Variants in MIPEP observed in about 807,000 individuals in gnomAD.
MIPEP encodes mitochondrial intermediate peptidase.
A neutral mutation model predicts 90.3 loss-of-function variants in MIPEP; 79 were observed. The ratio of observed to expected loss-of-function variants is 0.87; its 90% CI spans 0.73 to 1.05. MIPEP has a LOEUF of 1.05. MIPEP is among the 50% of genes least tolerant of loss of function. MIPEP has a pLI of 0.00. For missense variants in MIPEP, 940 were observed against 905.6 expected, an observed-to-expected ratio of 1.04 and a Z score of -0.49; for synonymous variants, 334 against 315.8, an observed-to-expected ratio of 1.06 and a Z score of -0.61.
intron 14 of MIPEP, among the ~76,000 whole-genome samples, chr13:23,835,953 T>C (rs1869020162): frequency 6.6e-6 from 1 of 152,088 alleles, no homozygotes; most frequent in Admixed American, 6.5e-5. Context: ...ATCTGGAAAA[T>C]GGGGATAAAG....
At chr13:23,846,013 C>G (rs951768299) in intron 10 of MIPEP, among the ~76,000 whole-genome samples, 4 of 151,826 alleles carry the variant, frequency 2.6e-5, no homozygotes, top group Admixed American at 2.0e-4. Context: ...CTGCTGGGTT[C>G]AAGCGATTCT....
chr13:23,838,226 CT>C (rs1869142389), intron 12 of MIPEP, among the ~76,000 whole-genome samples: 1 of 152,108 alleles, frequency 6.6e-6, no homozygotes, highest in South Asian at 2.1e-4. Flanking sequence ...TCACTGCAGC[CT>C]GGACCTCCTG....
At chr13:23,871,596 C>A (rs1017641775) in intron 5 of MIPEP, among the ~76,000 whole-genome samples, 6 of 152,094 alleles carry the variant, frequency 3.9e-5, no homozygotes, top group African/African-American at 1.2e-4. Flanking sequence ...CTGTTCTATG[C>A]TCCTAAAAAA....
chr13:23,792,835 C>T (rs961195480), intron 16 of MIPEP, among the ~76,000 whole-genome samples: 5 of 152,158 alleles, frequency 3.3e-5, no homozygotes, highest in Admixed American at 3.3e-4. Flanking sequence ...ATTCAAGTGG[C>T]CTCTGAACAT....
At chr13:23,811,834 C>T (rs1953174399) in intron 14 of MIPEP, among the ~76,000 whole-genome samples, 1 of 152,214 alleles carries the variant, frequency 6.6e-6, no homozygotes, top group Non-Finnish European at 1.5e-5. Flanking sequence ...TCAACTGTTT[C>T]AGTTCCCCAG....
chr13:23,812,177 A>G (rs1216221311), intron 14 of MIPEP, among the ~76,000 whole-genome samples: 1 of 133,082 alleles, frequency 7.5e-6, no homozygotes, highest in Non-Finnish European at 1.6e-5. Flanking sequence ...CCAATTCCAC[A>G]GTTACTAACT....
chr13:23,852,256 G>C (rs904932141), intron 10 of MIPEP, among the ~76,000 whole-genome samples: 1 of 152,120 alleles, frequency 6.6e-6, no homozygotes, highest in Non-Finnish European at 1.5e-5. Context: ...AAGGAAATAC[G>C]AATATAGACT....
chr13:23,870,549 A>C (rs1361133803), intron 5 of MIPEP, among the ~76,000 whole-genome samples: 1 of 152,182 alleles, frequency 6.6e-6, no homozygotes, highest in Non-Finnish European at 1.5e-5. Flanking sequence ...TCACGCCTGT[A>C]ATCCCAGCAC....
At chr13:23,743,029 A>G (rs151057612) in intron 18 of MIPEP, among the ~76,000 whole-genome samples, 15 of 152,354 alleles carry the variant, frequency 9.8e-5, no homozygotes, top group African/African-American at 3.4e-4. Flanking sequence ...GATTCACTCA[A>G]ATATACAGCT....
chr13:23,887,537 T>C (rs1274236477), intron 1 of MIPEP, among the ~76,000 whole-genome samples: 1 of 152,146 alleles, frequency 6.6e-6, no homozygotes, highest in Non-Finnish European at 1.5e-5. Context: ...TACTTCTCTA[T>C]TACAATTTAT....
At chr13:23,746,641 A>G (rs1281554538) in intron 18 of MIPEP, among the ~76,000 whole-genome samples, 4 of 149,382 alleles carry the variant, frequency 2.7e-5, no homozygotes, top group Non-Finnish European at 2.9e-5. Context: ...CTCAAAAAAA[A>G]AAAAAAAAAA....
At chr13:23,854,763 A>C (rs769829212) in intron 10 of MIPEP, among the ~76,000 whole-genome samples, 1 of 151,968 alleles carries the variant, frequency 6.6e-6, no homozygotes, top group African/African-American at 2.4e-5. Flanking sequence ...GTGGTGGTGC[A>C]TGCCTGTAAT....
chr13:23,763,732 C>T (rs1189204391), intron 16 of MIPEP, among the ~76,000 whole-genome samples: 3 of 152,162 alleles, frequency 2.0e-5, no homozygotes, highest in African/African-American at 7.2e-5. Context: ...TTATCCTGAT[C>T]CCCCTGCCTG....
At chr13:23,794,246 G>A (rs1952932138) in intron 16 of MIPEP, among the ~76,000 whole-genome samples, 1 of 152,186 alleles carries the variant, frequency 6.6e-6, no homozygotes, top group Admixed American at 6.5e-5. Flanking sequence ...GCTGCCTCCA[G>A]AGAAAGGGAC....
chr13:23,853,915 GTACAT>G (rs1218637048), intron 10 of MIPEP, among the ~76,000 whole-genome samples: 5 of 152,010 alleles, frequency 3.3e-5, no homozygotes, highest in African/African-American at 1.2e-4. Context: ...GCACATGACT[GTACAT>G]TAGTAATGAG....
intron 18 of MIPEP, among the ~76,000 whole-genome samples, chr13:23,736,509 C>T (rs1952265144): frequency 6.6e-6 from 1 of 152,142 alleles, no homozygotes; most frequent in African/African-American, 2.4e-5. Context: ...TAGCGTGTTT[C>T]ATAACCTTGA....
intron 2 of MIPEP, among the ~76,000 whole-genome samples, chr13:23,884,957 C>T (rs1871413944): frequency 6.6e-6 from 1 of 152,164 alleles, no homozygotes; most frequent in African/African-American, 2.4e-5. Context: ...TGATAGGAAA[C>T]CCTGCTTCCT....
At chr13:23,749,711 T>C (rs73453377) in intron 18 of MIPEP, among the ~76,000 whole-genome samples, 2,919 of 152,246 alleles carry the variant, frequency 0.019, 110 homozygotes, top group African/African-American at 0.067. Flanking sequence ...CAACCATCTC[T>C]ATAACAACTG....
intron 18 of MIPEP, among the ~76,000 whole-genome samples, chr13:23,739,951 C>T (rs1487397650): frequency 6.6e-6 from 1 of 152,166 alleles, no homozygotes; most frequent in East Asian, 1.9e-4. Context: ...TCATACAGCA[C>T]CAAGGTGTCA....
Sources: gnomAD v4.1 joint callset for allele counts (sites outside exome capture counted in the v4.1 genomes callset) on GRCh38, gnomAD v4.1.1 for gene constraint, MANE v1.5 for transcripts, NCBI Gene and HGNC (gene_info 2026-07-23, HGNC 2026-07-21) for gene names.